The following NRXN3 variants were observed in gnomAD, a reference collection of about 807,000 sequenced individuals.
NRXN3 encodes the protein neurexin III.
In NRXN3, 32 loss-of-function variants were observed where a neutral mutation model predicts 137.6. That is an observed-to-expected ratio of 0.23 (90% confidence interval 0.18 to 0.31). The LOEUF (loss-of-function observed/expected upper bound fraction) is 0.31, where lower values mean the gene tolerates loss of function less well. Ranked by LOEUF, NRXN3 falls within the 10% of genes least tolerant of loss-of-function variation. NRXN3 has a pLI of 1.00. For missense variants in NRXN3, 1,574 were observed against 2,062.5 expected, an observed-to-expected ratio of 0.76 and a Z score of 4.59; for synonymous variants, 798 against 784.5, an observed-to-expected ratio of 1.02 and a Z score of -0.29.
At chr14:78,401,337 G>C (rs2092036593) in intron 4 of NRXN3, among the ~76,000 whole-genome samples, 1 of 150,418 alleles carries the variant, frequency 6.6e-6, no homozygotes, top group Non-Finnish European at 1.5e-5. Context: ...ACTAATTTTT[G>C]TATTTTTAGT....
At chr14:79,201,313 GCGTGGCACATA>G (rs1384208969) in intron 15 of NRXN3, 2 of 152,278 alleles carry the variant, frequency 1.3e-5, no homozygotes, top group East Asian at 3.9e-4. Context: ...TATTGCCAAT[GCGTGGCACATA>G]CCAACTCAAT....
At chr14:78,480,893 T>C (rs899757343) in intron 4 of NRXN3, among the ~76,000 whole-genome samples, 2 of 152,186 alleles carry the variant, frequency 1.3e-5, no homozygotes, top group African/African-American at 2.4e-5. Flanking sequence ...TTCCTCTTTT[T>C]CCCTTTGTTC....
chr14:78,196,152 C>T (rs1014421785), intron 1 of NRXN3, among the ~76,000 whole-genome samples: 17 of 152,196 alleles, frequency 1.1e-4, no homozygotes, highest in Non-Finnish European at 2.4e-4. Context: ...GTGGGTCTCC[C>T]ACCTCCTGGG....
At chr14:78,244,942 G>A (rs2067468689) in intron 2 of NRXN3, among the ~76,000 whole-genome samples, 1 of 152,194 alleles carries the variant, frequency 6.6e-6, no homozygotes, top group Non-Finnish European at 1.5e-5. Context: ...GACTGTTTGG[G>A]GTTAGATCTA....
chr14:78,348,680 C>A (rs1202756105), intron 4 of NRXN3, among the ~76,000 whole-genome samples: 2 of 152,116 alleles, frequency 1.3e-5, no homozygotes, highest in African/African-American at 4.8e-5. Context: ...CACTTGGGAA[C>A]CTACTGGAAA....
chr14:79,283,389 G>T (rs1304784990), intron 15 of NRXN3, among the ~76,000 whole-genome samples: 2 of 152,044 alleles, frequency 1.3e-5, no homozygotes, highest in African/African-American at 4.8e-5. Context: ...TTCATCAGTT[G>T]GTGCTCCCAC....
rs1487269597 is a variant in NRXN3 at position 79,508,395 on chromosome 14, T to TTTTTTTC, written c.3444+40999_3444+41000insCTTTTTT. On this transcript the variant is annotated intron_variant, in intron 16 of 20. Transcript: ENST00000335750. ...TCTTTATAAAACAATAACTGATTTT[T>TTTTTTTC]TTTTTTTTTTTAAGACAGAGTCTCG... Among the ~76,000 whole-genome samples, 3 of 115,136 alleles carry TTTTTTTC rather than the reference T, an allele frequency of 2.6e-5. 1 individual carries two copies. Among genetic ancestry groups the TTTTTTTC allele is most frequent in the Non-Finnish European group, 3.7e-5 (2 of 54,676 alleles). The allele number at this position is 115,136 out of a possible 152,430, so 75.5% of individuals were successfully genotyped here.
chr14:78,971,193 A>G lies in NRXN3; in HGVS notation c.3142+2847A>G, dbSNP rs74503919. Among the ~76,000 whole-genome samples the G allele has an allele frequency of 0.035, 5,254 of 152,238 alleles. 511 individuals carry two copies. In the East Asian group the frequency reaches 0.4, roughly 12 times the overall value. On this transcript the variant is annotated intron_variant, in intron 14 of 20. Transcript: ENST00000335750. ...AGCACAAAACACTGGAGACACTGCA[A>G]AAAGGCATCATTTTTATTCTGAATC...
At chr14:78,651,014 G>A in intron 5 of NRXN3, 151 bp from the exon 6 acceptor site, 1 of 724,922 alleles carries the variant, frequency 1.4e-6, no homozygotes, top group Admixed American at 3.0e-5. Flanking sequence ...AATGGAACTT[G>A]GCTGCACATA....
intron 4 of NRXN3, among the ~76,000 whole-genome samples, chr14:78,325,956 G>T (rs1273133078): frequency 6.6e-6 from 1 of 152,166 alleles, no homozygotes; most frequent in African/African-American, 2.4e-5. Context: ...TGCCATCCTG[G>T]AGAGGGTGAC....
At chr14:79,387,457 A>G (rs74384650) in intron 15 of NRXN3, among the ~76,000 whole-genome samples, 109,539 of 151,374 alleles carry the variant, frequency 0.72, 39,897 homozygotes, top group Middle Eastern at 0.88. Context: ...GAAACAACAG[A>G]TGCTAGAGAG....
At chr14:79,690,852 G>A (rs779846820) in intron 17 of NRXN3, among the ~76,000 whole-genome samples, 13 of 152,056 alleles carry the variant, frequency 8.5e-5, no homozygotes, top group Non-Finnish European at 1.8e-4. Context: ...TATTCATTTG[G>A]TCTGATGCTA....
intron 15 of NRXN3, among the ~76,000 whole-genome samples, chr14:79,218,027 C>G (rs1226677259): frequency 6.6e-6 from 1 of 152,132 alleles, no homozygotes; most frequent in African/African-American, 2.4e-5. Context: ...GCCCACACAC[C>G]AATATCCAAA....
At chr14:79,530,712 G>C (rs981667749) in intron 16 of NRXN3, among the ~76,000 whole-genome samples, 4 of 152,040 alleles carry the variant, frequency 2.6e-5, no homozygotes, top group African/African-American at 9.7e-5. Flanking sequence ...GGAAACCAAG[G>C]AGGGGGAAAT....
chr14:78,522,364 C>G (rs1383381051), intron 4 of NRXN3, among the ~76,000 whole-genome samples: 1 of 152,144 alleles, frequency 6.6e-6, no homozygotes, highest in African/African-American at 2.4e-5. Context: ...ATTCCATACT[C>G]TTTATATTAC....
intron 4 of NRXN3, among the ~76,000 whole-genome samples, chr14:78,344,637 A>G (rs1210388328): frequency 6.6e-6 from 1 of 152,182 alleles, no homozygotes; most frequent in Non-Finnish European, 1.5e-5. Context: ...GGGCACTTTG[A>G]TAACCAAATC....
chr14:79,094,992 GT>G (rs1294829344), intron 15 of NRXN3, among the ~76,000 whole-genome samples: 7 of 151,722 alleles, frequency 4.6e-5, no homozygotes, highest in Admixed American at 2.6e-4. Context: ...GTGTGTGTGT[GT>G]GTGTGTGTGT....
chr14:78,789,776 A>G (rs1455309717), intron 8 of NRXN3, among the ~76,000 whole-genome samples: 1 of 151,304 alleles, frequency 6.6e-6, no homozygotes, highest in Non-Finnish European at 1.5e-5. Context: ...GTGCCTTCCC[A>G]CTCTTCTCTT....
At chr14:79,593,573 G>C (rs2097830363) in intron 16 of NRXN3, among the ~76,000 whole-genome samples, 2 of 145,738 alleles carry the variant, frequency 1.4e-5, no homozygotes, top group African/African-American at 5.2e-5. Flanking sequence ...AGAGCTTGCA[G>C]TGAGCCAAGA....
Sources: gnomAD v4.1 joint callset for allele counts (sites outside exome capture counted in the v4.1 genomes callset) on GRCh38, gnomAD v4.1.1 for gene constraint, MANE v1.5 for transcripts, NCBI Gene and HGNC (gene_info 2026-07-23, HGNC 2026-07-21) for gene names.